Variants in EYS observed in about 807,000 individuals in gnomAD.
EYS encodes protein eyes shut homolog.
EYS carries 250 observed loss-of-function variants against 282.1 expected under a neutral mutation model. The ratio of observed to expected loss-of-function variants is 0.89; its 90% CI spans 0.80 to 0.98. The LOEUF (loss-of-function observed/expected upper bound fraction) is 0.98, where lower values mean the gene tolerates loss of function less well. Ranked by LOEUF, EYS falls within the 50% of genes least tolerant of loss-of-function variation. The probability of loss-of-function intolerance (pLI) is 0.00; values close to 1 mark genes in which losing one functional copy is unlikely to be tolerated. For missense variants in EYS, 4,016 were observed against 3,709.0 expected, an observed-to-expected ratio of 1.08 and a Z score of -2.15; for synonymous variants, 1,355 against 1,282.9, an observed-to-expected ratio of 1.06 and a Z score of -1.20.
At chr6:65,086,621 G>A (rs888550263) in intron 12 of EYS, among the ~76,000 whole-genome samples, 1 of 152,100 alleles carries the variant, frequency 6.6e-6, no homozygotes, top group African/African-American at 2.4e-5. Flanking sequence ...TATATAGAAA[G>A]AGCAATTAGA....
At chr6:64,912,339 G>A (rs376349941) in intron 16 of EYS, 145 bp downstream of exon 16, 1 of 616,834 alleles carries the variant, frequency 1.6e-6, no homozygotes. Flanking sequence ...TTTATAACTG[G>A]ATTTGAAGTT....
At chr6:63,966,293 C>T (rs780613563) in intron 35 of EYS, among the ~76,000 whole-genome samples, 11 of 152,074 alleles carry the variant, frequency 7.2e-5, no homozygotes, top group African/African-American at 1.9e-4. Flanking sequence ...ATGTTCTCAT[C>T]GATAGGTAGG....
intron 22 of EYS, among the ~76,000 whole-genome samples, chr6:64,780,852 T>C (rs983786439): frequency 2.6e-5 from 4 of 152,188 alleles, no homozygotes; most frequent in Admixed American, 2.6e-4. Context: ...TTCACCAGTG[T>C]CTTGGAATTA....
chr6:64,057,394 T>TTA (rs1771021942), intron 33 of EYS, among the ~76,000 whole-genome samples: 3 of 150,198 alleles, frequency 2.0e-5, no homozygotes, highest in Non-Finnish European at 3.0e-5. Context: ...TTTTTTTTTT[T>TTA]AAAAATAGAA....
At chr6:64,862,441 T>C (rs1766279060) in intron 19 of EYS, among the ~76,000 whole-genome samples, 1 of 152,176 alleles carries the variant, frequency 6.6e-6, no homozygotes, top group African/African-American at 2.4e-5. Context: ...CAGAAAACAA[T>C]TTTTGATATT....
chr6:65,415,182 G>T (rs926801801), intron 5 of EYS, among the ~76,000 whole-genome samples: 1 of 151,978 alleles, frequency 6.6e-6, no homozygotes, highest in African/African-American at 2.4e-5. Flanking sequence ...AGTTGCATAG[G>T]TTCAAGAGGA....
At chr6:64,686,809 G>GTA (rs1382152433) in intron 22 of EYS, among the ~76,000 whole-genome samples, 1,190 of 46,436 alleles carry the variant, frequency 0.026, 236 homozygotes, top group African/African-American at 0.091. Context: ...ATATATGTGT[G>GTA]TATATATATA....
Position 64,868,540 on chromosome 6 carries a change from C to T in EYS, c.2992+18157G>A, listed in dbSNP as rs150462786. On this transcript the variant is annotated intron_variant, in intron 19 of 42. Coordinates refer to ENST00000503581, the MANE Select transcript of EYS (RefSeq NM_001142800.2). ...TATGACTTATGTGGCTAGACTATTA[C>T]GCAAAACATTTAGGTATTATTCTTA... is the stretch of plus-strand genomic sequence containing the variant. 8.7e-4 allele frequency among the ~76,000 whole-genome samples: 132 copies of T among 151,398 alleles called. 4 individuals are homozygous for T. In the South Asian group the frequency reaches 0.022, roughly 25 times the overall value.
intron 13 of EYS, among the ~76,000 whole-genome samples, chr6:65,011,175 G>T (rs1022971887): frequency 6.6e-6 from 1 of 152,138 alleles, no homozygotes; most frequent in African/African-American, 2.4e-5. Context: ...GCTAACCAAT[G>T]GAAATTACTT....
intron 40 of EYS, among the ~76,000 whole-genome samples, chr6:63,770,876 A>G (rs1435475034): frequency 6.6e-6 from 1 of 152,170 alleles, no homozygotes; most frequent in Non-Finnish European, 1.5e-5. Flanking sequence ...CATGTTTACT[A>G]GGACGGGTTG....
chr6:64,010,060 G>T (rs930192271), intron 33 of EYS, among the ~76,000 whole-genome samples: 1 of 149,374 alleles, frequency 6.7e-6, no homozygotes, highest in South Asian at 2.1e-4. Context: ...ACTCTGGGGG[G>T]TGGGGCTGGT....
intron 35 of EYS, among the ~76,000 whole-genome samples, chr6:63,953,219 G>A (rs1046592962): frequency 1.3e-5 from 2 of 152,128 alleles, no homozygotes; most frequent in African/African-American, 4.8e-5. Flanking sequence ...AGTCCCAGCA[G>A]CTTACCTGGG....
chr6:65,033,385 C>G (rs1439576886), intron 13 of EYS, among the ~76,000 whole-genome samples: 1 of 152,108 alleles, frequency 6.6e-6, no homozygotes, highest in African/African-American at 2.4e-5. Flanking sequence ...GAAAACATGC[C>G]TCGAAGGTAT....
chr6:64,307,515 C>T (rs6902995), intron 29 of EYS, among the ~76,000 whole-genome samples: 3 of 151,826 alleles, frequency 2.0e-5, no homozygotes, highest in Non-Finnish European at 2.9e-5. Flanking sequence ...CAGAAATAGA[C>T]ACCAAATCTG....
chr6:65,438,175 A>C (rs1311936501), intron 5 of EYS, among the ~76,000 whole-genome samples: 1 of 152,004 alleles, frequency 6.6e-6, no homozygotes, highest in African/African-American at 2.4e-5. Context: ...GTCCCTACAA[A>C]GGACATGAAC....
intron 2 of EYS, among the ~76,000 whole-genome samples, chr6:65,583,241 C>G (rs1221799220): frequency 6.6e-6 from 1 of 151,908 alleles, no homozygotes; most frequent in East Asian, 1.9e-4. Context: ...CTCAAGTATA[C>G]TTATTTTAAT....
chr6:64,053,491 G>T (rs1268512018), intron 33 of EYS, among the ~76,000 whole-genome samples: 2 of 152,078 alleles, frequency 1.3e-5, no homozygotes, highest in Non-Finnish European at 1.5e-5. Flanking sequence ...ATTAGAGTTA[G>T]ACTCTGGATT....
chr6:64,436,307 A>G, intron 27 of EYS, 42 bp from the exon 28 acceptor site: 1 of 995,796 alleles, frequency 1.0e-6, no homozygotes, highest in Non-Finnish European at 1.5e-6. Context: ...GTTTTTCAGC[A>G]TGAAATTAAT....
At chr6:64,101,029 T>G (rs896070219) in intron 31 of EYS, among the ~76,000 whole-genome samples, 6 of 152,136 alleles carry the variant, frequency 3.9e-5, no homozygotes, top group African/African-American at 1.4e-4. Context: ...ATATCTTAAG[T>G]AGCTAAAACC....
Sources: allele counts gnomAD v4.1 joint callset (sites outside exome capture counted in the v4.1 genomes callset), GRCh38; gene constraint gnomAD v4.1.1; transcripts MANE v1.5; gene names NCBI Gene and HGNC (gene_info 2026-07-23, HGNC 2026-07-21).